Variants in NFYC observed in about 807,000 individuals in gnomAD.
NFYC encodes the protein nuclear transcription factor Y subunit gamma, also known as CAAT box DNA-binding protein subunit C.
NFYC carries 25 observed loss-of-function variants against 53.1 expected under a neutral mutation model. That is an observed-to-expected ratio of 0.47 (90% CI 0.34 to 0.66). The LOEUF is 0.66. Ranked by LOEUF, NFYC falls within the 30% of genes least tolerant of loss-of-function variation. The pLI, the probability that NFYC is intolerant of heterozygous loss-of-function variation, is 0.01. For synonymous variants in NFYC, 145 were observed against 152.6 expected, an observed-to-expected ratio of 0.95 and a Z score of 0.37; for missense variants, 260 against 422.7, an observed-to-expected ratio of 0.62 and a Z score of 3.38.
intron 4 of NFYC, among the ~76,000 whole-genome samples, chr1:40,750,580 A>G (rs1439398025): frequency 6.9e-6 from 1 of 143,892 alleles, no homozygotes; most frequent in Non-Finnish European, 1.5e-5. Context: ...TTACTATATG[A>G]AAGTTTTAAA....
chr1:40,745,771 G>A (rs1184267232), intron 2 of NFYC, among the ~76,000 whole-genome samples: 3 of 152,128 alleles, frequency 2.0e-5, no homozygotes, highest in Non-Finnish European at 4.4e-5. Flanking sequence ...TCCCCGCAGG[G>A]GATCCCTCCC....
chr1:40,766,761 C>T, intron 8 of NFYC, 58 bp downstream of exon 8: 1 of 1,555,434 alleles, frequency 6.4e-7, no homozygotes, highest in Non-Finnish European at 8.9e-7. Context: ...TGGCTTCTGA[C>T]AGGAAAGGAG....
At chr1:40,711,898 C>G (rs1643940378) in intron 1 of NFYC, among the ~76,000 whole-genome samples, 1 of 152,158 alleles carries the variant, frequency 6.6e-6, no homozygotes, top group Admixed American at 6.5e-5. Context: ...GTCAAGAGAT[C>G]TGTGTTCAAG....
intron 1 of NFYC, chr1:40,735,056 G>C (rs1469913655): frequency 6.6e-6 from 1 of 152,202 alleles, no homozygotes; most frequent in African/African-American, 2.4e-5. Flanking sequence ...CCCAGAACTG[G>C]AGTGGGGGGG....
At chr1:40,753,860 T>C (rs1464319779) in intron 5 of NFYC, among the ~76,000 whole-genome samples, 1 of 152,202 alleles carries the variant, frequency 6.6e-6, no homozygotes, top group Non-Finnish European at 1.5e-5. Flanking sequence ...TGAGCTGTTT[T>C]GCAAGCAATC....
chr1:40,727,032 A>C (rs1026234332), intron 1 of NFYC, among the ~76,000 whole-genome samples: 1 of 152,232 alleles, frequency 6.6e-6, no homozygotes, highest in Non-Finnish European at 1.5e-5. Flanking sequence ...GTCACATCTC[A>C]GGCTCCGCTT....
Position 40,738,959 on chromosome 1 carries a change from A to G in NFYC, c.105+11A>G, listed in dbSNP as rs1440260787. 6.3e-7 allele frequency: 1 copy of G among 1,579,310 alleles called. No individual in the cohort carries two copies. Among genetic ancestry groups the G allele is most frequent in the Non-Finnish European group, 8.7e-7 (1 of 1,148,340 alleles). On this transcript the variant is annotated intron_variant, in intron 2 of 9. Transcript: ENST00000447388. Reference sequence around the variant, plus strand: ...CGGAATTTAACAGTGGTGAGGAAGAATGAGAAACTTTTATTAGAAACTTTT... The same window carrying G: ...CGGAATTTAACAGTGGTGAGGAAGAGTGAGAAACTTTTATTAGAAACTTTT...
intron 2 of NFYC, among the ~76,000 whole-genome samples, chr1:40,745,842 C>T (rs1645579729): frequency 6.6e-6 from 1 of 152,118 alleles, no homozygotes; most frequent in African/African-American, 2.4e-5. Flanking sequence ...AAACCACAAG[C>T]TCTTCAAAGG....
intron 2 of NFYC, among the ~76,000 whole-genome samples, chr1:40,744,050 G>A (rs986864917): frequency 6.6e-6 from 1 of 152,198 alleles, no homozygotes; most frequent in African/African-American, 2.4e-5. Context: ...ATGGGTCCAT[G>A]GCCTGTTAGG....
At chr1:40,763,354 T>C (rs1557924876) in intron 7 of NFYC, 1 of 456,840 alleles carries the variant, frequency 2.2e-6, no homozygotes, top group Admixed American at 2.3e-5. Flanking sequence ...ATCCTTTTTT[T>C]CTTTTTAGGA....
At chr1:40,693,697 T>C (rs1045222289) in intron 1 of NFYC, among the ~76,000 whole-genome samples, 5 of 152,218 alleles carry the variant, frequency 3.3e-5, no homozygotes, top group African/African-American at 1.2e-4. Flanking sequence ...TGAGCTAGAA[T>C]TCAAACCCTG....
chr1:40,698,327 A>C (rs6659671), intron 1 of NFYC, among the ~76,000 whole-genome samples: 118,524 of 150,836 alleles, frequency 0.79, 47,142 homozygotes, highest in African/African-American at 0.9. Flanking sequence ...ATGCCCCTGC[A>C]CTCCAGCCTG....
chr1:40,730,257 T>C (rs1246575305), intron 1 of NFYC, among the ~76,000 whole-genome samples: 2 of 147,540 alleles, frequency 1.4e-5, no homozygotes, highest in Admixed American at 6.9e-5. Context: ...GCCAAGCTGG[T>C]CTCGAACTCC....
chr1:40,764,380 T>C (rs948169869), intron 7 of NFYC, among the ~76,000 whole-genome samples: 1 of 152,178 alleles, frequency 6.6e-6, no homozygotes, highest in Non-Finnish European at 1.5e-5. Context: ...GTGGAGTGTG[T>C]ATGTCTCTTT....
At chr1:40,697,082 C>CTGGA (rs768291537) in intron 1 of NFYC, among the ~76,000 whole-genome samples, 11 of 152,338 alleles carry the variant, frequency 7.2e-5, no homozygotes, top group Non-Finnish European at 1.6e-4. Context: ...ACCCTCTGTG[C>CTGGA]TGGAGCAGGT....
At chr1:40,729,212 A>G (rs1644655621) in intron 1 of NFYC, among the ~76,000 whole-genome samples, 1 of 152,222 alleles carries the variant, frequency 6.6e-6, no homozygotes, top group Non-Finnish European at 1.5e-5. Flanking sequence ...CCTTGATGGC[A>G]TCTTCTTCCA....
Position 40,770,311 on chromosome 1 carries a change from C to A in NFYC, c.889-398C>A. The A allele has an allele frequency of 7.7e-7, 1 of 1,293,278 alleles. No individual in the cohort carries two copies. Among genetic ancestry groups the A allele is most frequent in the Non-Finnish European group, 1.1e-6 (1 of 938,894 alleles). 80.1% of individuals were successfully genotyped at this position (1,293,278 alleles called of 1,614,324 possible). A position where few individuals can be genotyped will look rare whatever the true frequency, so the allele number is the denominator to read the frequency against. ...AGAGGAGGGGGTAATCCTACTGCCC[C>A]TGCCAGTGTAGATTACCAAGAGTTG... On this transcript the variant is annotated intron_variant, in intron 9 of 9. Coordinates refer to ENST00000447388, the MANE Select transcript of NFYC (RefSeq NM_014223.5). The surrounding 1 kb of genome is among the most constrained non-coding windows in gnomAD (Gnocchi z 5.3).
At chr1:40,710,480 G>T (rs1176689960) in intron 1 of NFYC, among the ~76,000 whole-genome samples, 1 of 152,156 alleles carries the variant, frequency 6.6e-6, no homozygotes, top group Non-Finnish European at 1.5e-5. Flanking sequence ...TAACCAGCCA[G>T]TTCTCATGAA....
chr1:40,743,313 A>T (rs918765893), intron 2 of NFYC, among the ~76,000 whole-genome samples: 5 of 152,222 alleles, frequency 3.3e-5, no homozygotes, highest in African/African-American at 9.6e-5. Flanking sequence ...TATCAAGATG[A>T]TTGTGCACCA....
Sources: allele counts gnomAD v4.1 joint callset (sites outside exome capture counted in the v4.1 genomes callset), GRCh38; gene constraint gnomAD v4.1.1; non-coding constraint Gnocchi (gnomAD v3.1); transcripts MANE v1.5; gene names NCBI Gene and HGNC (gene_info 2026-07-23, HGNC 2026-07-21).